Variants in ARHGAP35 observed in about 807,000 individuals in gnomAD.
The protein encoded by ARHGAP35 is Rho GTPase activating protein 35.
Under a neutral mutation model 111.1 loss-of-function variants are expected in ARHGAP35, and 15 were observed. The ratio of observed to expected loss-of-function variants is 0.13; its 90% CI spans 0.09 to 0.21. The LOEUF (loss-of-function observed/expected upper bound fraction) is 0.21. Among genes scored for constraint, ARHGAP35 ranks in the 10% least tolerant of loss-of-function variants. ARHGAP35 has a pLI of 1.00. For synonymous variants in ARHGAP35, 643 were observed against 710.3 expected (o/e 0.91, Z 1.51); for missense variants, 1,262 against 1,873.0 (o/e 0.67, Z 6.02).
chr19:46,957,339 T>G (rs1171965881), intron 3 of ARHGAP35, among the ~76,000 whole-genome samples: 1 of 151,898 alleles, frequency 6.6e-6, no homozygotes, highest in East Asian at 1.9e-4. Context: ...AACTGTTAAG[T>G]AGGGCTGGGC....
chr19:46,944,605 A>T (rs985331773), intron 3 of ARHGAP35, among the ~76,000 whole-genome samples: 2 of 152,124 alleles, frequency 1.3e-5, no homozygotes, highest in Non-Finnish European at 2.9e-5. Context: ...AGGATGCAAG[A>T]GCTGGTATGA....
At chr19:46,937,456 A>T in intron 3 of ARHGAP35, 48 bp downstream of exon 3, 1 of 1,600,456 alleles carries the variant, frequency 6.2e-7, no homozygotes, top group Non-Finnish European at 8.6e-7. Flanking sequence ...TGTCTACAGG[A>T]TGCTTACTGG....
chr19:46,934,977 A>G (rs1448530478), intron 2 of ARHGAP35, among the ~76,000 whole-genome samples: 1 of 152,196 alleles, frequency 6.6e-6, no homozygotes, highest in Admixed American at 6.5e-5. Flanking sequence ...CCAGCCTTAA[A>G]TTCTTTATGT....
At chr19:46,981,727 C>G (rs760135607) in intron 3 of ARHGAP35, among the ~76,000 whole-genome samples, 1 of 152,194 alleles carries the variant, frequency 6.6e-6, no homozygotes, top group Non-Finnish European at 1.5e-5. Flanking sequence ...ACAGGGCAGT[C>G]GAAGGGCTGA....
intron 5 of ARHGAP35, among the ~76,000 whole-genome samples, chr19:46,990,262 A>T (rs1013308870): frequency 1.3e-5 from 2 of 152,218 alleles, no homozygotes; most frequent in African/African-American, 2.4e-5. Context: ...CTCTGGTTTT[A>T]ATGGTATCCT....
At chr19:46,958,384 CAAAA>C (rs796810574) in intron 3 of ARHGAP35, among the ~76,000 whole-genome samples, 1 of 75,590 alleles carries the variant, frequency 1.3e-5, no homozygotes, top group Non-Finnish European at 2.7e-5. Flanking sequence ...GACTCCGTCT[CAAAA>C]AAAAAAAAAA....
Position 46,952,875 on chromosome 19 carries a change from G to A in ARHGAP35, c.3826+15467G>A, listed in dbSNP as rs558976734. Among the ~76,000 whole-genome samples the A allele has an allele frequency of 1.2e-3, 179 of 152,122 alleles. 2 individuals are homozygous for A. The highest frequency in any genetic ancestry group is 0.01 in the Middle Eastern group (3 of 294). ...GTATTTTTTGTAGAGATGGGGATTC[G>A]CCGTGTTGCCCAGGCTGGTCTTGAA... On this transcript the variant is annotated intron_variant, in intron 3 of 6. Coordinates refer to ENST00000672722, the MANE Select transcript of ARHGAP35 (RefSeq NM_004491.5).
Position 47,001,343 on chromosome 19 carries a change from C to G in ARHGAP35, c.*655C>G. ...CCACCGTCCCACTCCACAGCCTTCC[C>G]GAAACATTCCCTGGCAAACAAAGGA... On this transcript the variant is annotated 3_prime_UTR_variant, in exon 7 of 7. Coordinates refer to ENST00000672722, the MANE Select transcript of ARHGAP35 (RefSeq NM_004491.5). This position sits in a 1 kb window ranked among gnomAD's most constrained non-coding sequence, Gnocchi z 5.4. The G allele has an allele frequency of 3.9e-6, 5 of 1,290,252 alleles. No individual in the cohort carries two copies. The highest frequency in any genetic ancestry group is 5.1e-6 in the Non-Finnish European group (5 of 989,132). 79.9% of individuals were successfully genotyped at this position (1,290,252 alleles called of 1,614,324 possible). A position where few individuals can be genotyped will look rare whatever the true frequency, so the allele number is the denominator to read the frequency against.
At chr19:46,868,470 G>C (rs2055870064) in intron 1 of ARHGAP35, among the ~76,000 whole-genome samples, 1 of 152,178 alleles carries the variant, frequency 6.6e-6, no homozygotes, top group Non-Finnish European at 1.5e-5. Context: ...TAGTCTTGAA[G>C]ACTTTCATAT....
intron 2 of ARHGAP35, among the ~76,000 whole-genome samples, chr19:46,936,480 G>C (rs539379592): frequency 1.3e-5 from 2 of 152,154 alleles, no homozygotes; most frequent in African/African-American, 4.8e-5. Flanking sequence ...TTCTCATTTG[G>C]GTCTATCAGC....
At chr19:46,956,678 GTAATACA>G (rs1178175963) in intron 3 of ARHGAP35, among the ~76,000 whole-genome samples, 2 of 152,164 alleles carry the variant, frequency 1.3e-5, no homozygotes, top group Admixed American at 1.3e-4. Context: ...TGCTCAGACT[GTAATACA>G]TCAGTGTGAT....
chr19:46,916,548 G>A (rs892347689), intron 1 of ARHGAP35, among the ~76,000 whole-genome samples: 55 of 152,262 alleles, frequency 3.6e-4, no homozygotes, highest in African/African-American at 1.2e-3. Flanking sequence ...GTCAAGCACT[G>A]TGTCATAGGC....
Position 46,918,548 on chromosome 19 carries a change from C to A in ARHGAP35, c.-128C>A. 3 of 854,418 alleles carry A rather than the reference C, an allele frequency of 3.5e-6. No individual in the cohort carries two copies. Among genetic ancestry groups the A allele is most frequent in the Non-Finnish European group, 5.6e-6 (3 of 535,934 alleles). 52.9% of individuals were successfully genotyped at this position (854,418 alleles called of 1,614,324 possible). A position where few individuals can be genotyped will look rare whatever the true frequency, so the allele number is the denominator to read the frequency against. On this transcript the variant is annotated 5_prime_UTR_variant, in exon 2 of 7. Coordinates refer to ENST00000672722, the MANE Select transcript of ARHGAP35 (RefSeq NM_004491.5). This position sits in a 1 kb window ranked among gnomAD's most constrained non-coding sequence, Gnocchi z 5.4. ...GAACAGTGACCATACTGGTATACAA[C>A]ACTATGGGACCTGGCATTTTTGCTG... is the stretch of plus-strand genomic sequence containing the variant.
intron 3 of ARHGAP35, among the ~76,000 whole-genome samples, chr19:46,973,564 G>A (rs113370978): frequency 0.24 from 35,787 of 151,416 alleles, 4,433 homozygotes; most frequent in Non-Finnish European, 0.28. Flanking sequence ...GTGGCGGGGC[G>A]CCTGTAGTCC....
Position 46,988,051 on chromosome 19 carries a change from A to G in ARHGAP35, c.3889A>G (p.Arg1297Gly), listed in dbSNP as rs1278862301. The change falls in exon 4 of 7, where the codon AGA becomes GGA. Residue 1297 changes from arginine to glycine, a missense_variant. Coordinates refer to ENST00000672722, the MANE Select transcript of ARHGAP35 (RefSeq NM_004491.5). This position sits in a 1 kb window ranked among gnomAD's most constrained non-coding sequence, Gnocchi z 5.4. ...GNKSEMESLQ[R>G]QFDQDHNLDL... ...CAAGTCTGAGATGGAGAGTCTGCAG[A>G]GACAGTTTGATCAAGGTAAAGTGCA... 1 of 1,613,760 alleles carries G rather than the reference A, an allele frequency of 6.2e-7. No individual in the cohort carries two copies. The highest frequency in any genetic ancestry group is 1.3e-5 in the African/African-American group (1 of 74,934).
chr19:46,942,391 T>C (rs1037890618), intron 3 of ARHGAP35, among the ~76,000 whole-genome samples: 14 of 152,116 alleles, frequency 9.2e-5, no homozygotes. Flanking sequence ...CCCAGCACTT[T>C]GGGAGGCCGA....
chr19:46,966,286 T>C (rs1259629217), intron 3 of ARHGAP35, among the ~76,000 whole-genome samples: 1 of 152,208 alleles, frequency 6.6e-6, no homozygotes, highest in Non-Finnish European at 1.5e-5. Context: ...CAGTGGCTCA[T>C]GCCTGTAATC....
At chr19:46,933,137 CTTTTT>C (rs1174653724) in intron 2 of ARHGAP35, among the ~76,000 whole-genome samples, 1 of 99,544 alleles carries the variant, frequency 1.0e-5, no homozygotes. Flanking sequence ...AGTGTGCCTT[CTTTTT>C]TTTTTTTTTT....
intron 1 of ARHGAP35, among the ~76,000 whole-genome samples, chr19:46,896,608 C>T (rs2056057978): frequency 6.6e-6 from 1 of 152,200 alleles, no homozygotes; most frequent in Non-Finnish European, 1.5e-5. Context: ...TTTGTCCATT[C>T]TGGCTTTGCA....
Sources: allele counts gnomAD v4.1 joint callset (sites outside exome capture counted in the v4.1 genomes callset), GRCh38; gene constraint gnomAD v4.1.1; non-coding constraint Gnocchi (gnomAD v3.1); transcripts MANE v1.5; gene names NCBI Gene and HGNC (gene_info 2026-07-23, HGNC 2026-07-21).